Variants in CECR2 observed in about 807,000 individuals in gnomAD.
The protein encoded by CECR2 is chromatin remodeling regulator CECR2.
A neutral mutation model predicts 154.5 loss-of-function variants in CECR2; 30 were observed. The ratio of observed to expected loss-of-function variants is 0.19; its 90% CI spans 0.15 to 0.26. CECR2 has a LOEUF of 0.26. Among genes scored for constraint, CECR2 ranks in the 10% least tolerant of loss-of-function variants. The pLI is 1.00. For synonymous variants in CECR2, 725 were observed against 683.7 expected (o/e 1.06, Z -0.94); for missense variants, 1,743 against 1,829.3 (o/e 0.95, Z 0.86).
chr22:17,511,867 C>T lies in CECR2; in HGVS notation c.925C>T (p.His309Tyr), dbSNP rs1442772922. The T allele has an allele frequency of 1.9e-6, 3 of 1,611,492 alleles. No individual in the cohort carries two copies. Among genetic ancestry groups the T allele is most frequent in the Middle Eastern group, 1.7e-4 (1 of 6,050 alleles). ...GTTGCATCCTAGGTGGATGTCTGAC[C>T]ACCTGTCCATCAAACCCGTCAAGCA... ...AELHPRWMSDHLSIKPVKQEE... is the reference protein window; with the variant it reads ...AELHPRWMSDYLSIKPVKQEE... The change falls in exon 8 of 19, where the codon CAC becomes TAC. Residue 309 changes from histidine (H) to tyrosine (Y), a missense_variant. By Grantham distance (83) the His-to-Tyr change is moderately conservative. Around this residue, in one of 4 missense-constraint regions of CECR2, gnomAD observed 292 missense variants for 301.2 expected, o/e 0.97. Coordinates refer to ENST00000262608, the MANE Select transcript of CECR2 (RefSeq NM_001290047.2).
At chr22:17,382,094 G>T (rs375576898) in intron 1 of CECR2, among the ~76,000 whole-genome samples, 35 of 151,250 alleles carry the variant, frequency 2.3e-4, no homozygotes, top group African/African-American at 8.0e-4. Context: ...GTTTCGCCGT[G>T]TTAGCCAGGA....
intron 2 of CECR2, among the ~76,000 whole-genome samples, chr22:17,488,125 G>GC (rs759414450): frequency 3.3e-5 from 5 of 152,018 alleles, no homozygotes; most frequent in African/African-American, 7.2e-5. Context: ...CAGGTGATCT[G>GC]CCCCCCCTTG....
intron 8 of CECR2, among the ~76,000 whole-genome samples, chr22:17,516,923 T>C (rs2056067646): frequency 6.7e-6 from 1 of 149,430 alleles, no homozygotes; most frequent in African/African-American, 2.5e-5. Context: ...TTTTCGGGGT[T>C]TTTTTGAGAC....
At position 17,556,157 on chromosome 22, in the gene CECR2, A is replaced by T. The variant is rs75284146; in HGVS notation, c.*3317A>T. 6.6e-6 allele frequency: 1 copy of T among 152,080 alleles called. No homozygotes were observed. Among genetic ancestry groups the T allele is most frequent in the Non-Finnish European group, 1.5e-5 (1 of 68,014 alleles). 9.4% of individuals were successfully genotyped at this position (152,080 alleles called of 1,614,324 possible). ...CATCCCACCTCTCCGCCTCTCCTTC[A>T]TCACCAGCCTTCATCAGGTTGGTTT... On this transcript the variant is annotated 3_prime_UTR_variant, in exon 19 of 19. Coordinates refer to ENST00000262608, the MANE Select transcript of CECR2 (RefSeq NM_001290047.2).
intron 1 of CECR2, among the ~76,000 whole-genome samples, chr22:17,414,199 C>A (rs1193789138): frequency 6.6e-6 from 1 of 150,550 alleles, no homozygotes; most frequent in East Asian, 1.9e-4. Context: ...GTCTCGATCG[C>A]CTGACCTCGT....
In CECR2 at chr22:17,538,665, G is replaced by A. The variant is rs1358290014; in HGVS notation, c.1302G>A (p.Lys434=). ...TTCTAGACGTGGTAAAGGCTCACAAGGATTCCTGGCCCTTCTTGGAACCTG... is the reference window on the plus strand; with the variant it reads ...TTCTAGACGTGGTAAAGGCTCACAAAGATTCCTGGCCCTTCTTGGAACCTG... ...YKVLDVVKAH[K]DSWPFLEPVD... Residue 434 remains lysine (K), a synonymous_variant, in exon 12 of 19, where the codon AAG becomes AAA. Coordinates refer to ENST00000262608, the MANE Select transcript of CECR2 (RefSeq NM_001290047.2). 3.1e-6 allele frequency: 5 copies of A among 1,613,856 alleles called. No homozygotes were observed. The Admixed American group carries it at 8.3e-5, about 27-fold the overall frequency.
At chr22:17,465,149 A>G (rs2055008380) in intron 1 of CECR2, among the ~76,000 whole-genome samples, 1 of 151,438 alleles carries the variant, frequency 6.6e-6, no homozygotes, top group Admixed American at 6.6e-5. Flanking sequence ...GGCGCCCACC[A>G]CCACGCCCGG....
Position 17,504,935 on chromosome 22 carries a change from G to T in CECR2, c.789G>T (p.Arg263Ser). ...AGGTCACCGAGAGTTTTCGCGAGAG[G>T]ACCTCCCTTCGAGAACGGCAGCTCT... ...WRQVTESFRE[R>S]TSLRERQLYK... The change falls in exon 7 of 19, where the codon AGG becomes AGT. Residue 263 changes from arginine (R) to serine (S), a missense_variant. By Grantham distance (110) the Arg-to-Ser change is moderately radical. Coordinates refer to ENST00000262608, the MANE Select transcript of CECR2 (RefSeq NM_001290047.2). 2 of 1,613,680 alleles carry T rather than the reference G, an allele frequency of 1.2e-6. No homozygotes were observed. Among genetic ancestry groups the T allele is most frequent in the Non-Finnish European group, 1.7e-6 (2 of 1,179,828 alleles).
At chr22:17,369,447 C>A (rs2063027857), upstream of CECR2, 1 of 151,228 alleles carries the variant, frequency 6.6e-6, no homozygotes, top group Non-Finnish European at 1.5e-5. Flanking sequence ...CCGGCCCCTC[C>A]GCCCCTAGCC....
intron 9 of CECR2, among the ~76,000 whole-genome samples, chr22:17,527,465 TA>T (rs897258626): frequency 2.0e-5 from 3 of 149,756 alleles, no homozygotes; most frequent in Non-Finnish European, 4.4e-5. Context: ...CTCAAAAAAA[TA>T]AAAATAAATT....
chr22:17,551,852 C>T (rs1161432450), intron 17 of CECR2, among the ~76,000 whole-genome samples, 179 bp from the exon 18 acceptor site: 2 of 151,970 alleles, frequency 1.3e-5, no homozygotes, highest in Admixed American at 6.6e-5. Context: ...GTAGGTGGTG[C>T]GTGTGCGTGC....
At chr22:17,477,796 A>G in intron 2 of CECR2, 114 bp downstream of exon 2, 2 of 755,812 alleles carry the variant, frequency 2.6e-6, no homozygotes, top group Non-Finnish European at 4.7e-6. Flanking sequence ...GCATCACGGG[A>G]CACTGTAGAT....
At chr22:17,462,681 C>T (rs909009095) in intron 1 of CECR2, among the ~76,000 whole-genome samples, 4 of 152,090 alleles carry the variant, frequency 2.6e-5, no homozygotes, top group South Asian at 2.1e-4. Context: ...TTTGGGAGGC[C>T]GAGGCGGGTG....
intron 4 of CECR2, among the ~76,000 whole-genome samples, chr22:17,499,977 C>T (rs1290679362): frequency 4.0e-5 from 6 of 151,738 alleles, no homozygotes; most frequent in East Asian, 3.9e-4. Flanking sequence ...TCTGGGAGGC[C>T]GAGGCGGGCG....
chr22:17,371,097 A>C (rs1344121943), intron 1 of CECR2, among the ~76,000 whole-genome samples: 1 of 152,102 alleles, frequency 6.6e-6, no homozygotes, highest in Non-Finnish European at 1.5e-5. Flanking sequence ...TAACTCGTTT[A>C]TTTCAGAGCT....
chr22:17,430,230 G>T (rs1169590141), intron 1 of CECR2, among the ~76,000 whole-genome samples: 1 of 152,140 alleles, frequency 6.6e-6, no homozygotes, highest in African/African-American at 2.4e-5. Flanking sequence ...TCAAACTTCA[G>T]TACAGTTCTA....
chr22:17,367,527 G>A (rs2063008541), upstream of CECR2, among the ~76,000 whole-genome samples: 1 of 151,830 alleles, frequency 6.6e-6, no homozygotes, highest in African/African-American at 2.4e-5. Flanking sequence ...CTGGGACTAC[G>A]GGCGCCTGCC....
At chr22:17,471,778 A>G (rs1390415103) in intron 1 of CECR2, among the ~76,000 whole-genome samples, 2 of 152,004 alleles carry the variant, frequency 1.3e-5, no homozygotes, top group African/African-American at 4.8e-5. Flanking sequence ...CAGGTGATCC[A>G]CCTGCCTCAG....
At chr22:17,412,412 C>T (rs577187746) in intron 1 of CECR2, among the ~76,000 whole-genome samples, 2 of 152,332 alleles carry the variant, frequency 1.3e-5, no homozygotes, top group African/African-American at 4.8e-5. Context: ...CACCCCCACA[C>T]TCTTCACTAC....
Sources: allele counts gnomAD v4.1 joint callset (sites outside exome capture counted in the v4.1 genomes callset), GRCh38; gene constraint gnomAD v4.1.1; regional missense constraint gnomAD v4.1.1; transcripts MANE v1.5; gene names NCBI Gene and HGNC (gene_info 2026-07-23, HGNC 2026-07-21).